TENM1: variants seen among roughly 807,000 people sequenced by gnomAD.
TENM1 encodes teneurin-1.
TENM1 carries 35 observed loss-of-function variants against 174.8 expected under a neutral mutation model. The ratio of observed to expected loss-of-function variants is 0.20; its 90% CI spans 0.15 to 0.27. TENM1 has a LOEUF of 0.27. Among genes scored for constraint, TENM1 ranks in the 10% least tolerant of loss-of-function variants. The probability of loss-of-function intolerance (pLI) is 1.00; values close to 1 mark genes in which losing one functional copy is unlikely to be tolerated. For missense variants in TENM1, 1,633 were observed against 2,130.1 expected, an observed-to-expected ratio of 0.77 and a Z score of 4.59; for synonymous variants, 781 against 798.7, an observed-to-expected ratio of 0.98 and a Z score of 0.37.
chrX:124,579,435 C>T (rs1451894230), intron 11 of TENM1, among the ~76,000 whole-genome samples: 1 of 111,243 alleles, frequency 9.0e-6, no homozygotes, highest in East Asian at 2.8e-4. Flanking sequence ...AAGGCCTTTC[C>T]CACAGCCTAT....
intron 3 of TENM1, among the ~76,000 whole-genome samples, chrX:124,809,302 T>C (rs1459744258): frequency 1.8e-5 from 2 of 111,570 alleles, no homozygotes; most frequent in African/African-American, 6.5e-5. Context: ...ATTGATTCTG[T>C]AATAAAAAGT....
At chrX:125,148,260 T>C in the TENM1 span, among the ~76,000 whole-genome samples, 3 of 110,620 alleles carry the variant, frequency 2.7e-5, no homozygotes, top group Admixed American at 1.9e-4. Context: ...CAGCATTCAA[T>C]CTAAGTCTAT....
At chrX:125,081,308 A>T in the TENM1 span, among the ~76,000 whole-genome samples, 1 of 111,227 alleles carries the variant, frequency 9.0e-6, no homozygotes, top group African/African-American at 3.3e-5. Context: ...CACTTTTTAA[A>T]TTATAACTTC....
At chrX:124,829,053 G>A (rs761542589) in intron 3 of TENM1, among the ~76,000 whole-genome samples, 45 of 111,692 alleles carry the variant, frequency 4.0e-4, no homozygotes, top group Non-Finnish European at 7.5e-4. Context: ...ACACACATAT[G>A]TACAAATCCT....
intron 11 of TENM1, among the ~76,000 whole-genome samples, chrX:124,571,900 A>G: frequency 9.0e-6 from 1 of 111,649 alleles, no homozygotes; most frequent in African/African-American, 3.2e-5. Flanking sequence ...ATCATTTTAT[A>G]AGAATATAAT....
the TENM1 span, among the ~76,000 whole-genome samples, chrX:125,182,950 A>AT: frequency 8.9e-6 from 1 of 112,058 alleles, no homozygotes. Context: ...TGTCAGAGGC[A>AT]TTTTTTATTA....
chrX:125,075,886 TCTTC>T, the TENM1 span, among the ~76,000 whole-genome samples: 1 of 56,100 alleles, frequency 1.8e-5, no homozygotes, highest in Non-Finnish European at 2.7e-5. Context: ...TTCCCATGTG[TCTTC>T]CTTTTGTCAC....
chrX:124,840,961 A>G (rs1393695572), intron 3 of TENM1, among the ~76,000 whole-genome samples: 1 of 112,268 alleles, frequency 8.9e-6, no homozygotes, highest in Non-Finnish European at 1.9e-5. Flanking sequence ...CAGAACAGGA[A>G]TGAAGTTAGA....
At chrX:124,756,408 T>G (rs2054243600) in intron 3 of TENM1, among the ~76,000 whole-genome samples, 2 of 103,167 alleles carry the variant, frequency 1.9e-5, no homozygotes, top group African/African-American at 7.9e-5. Context: ...TTTTTCAAAG[T>G]TTTTAACTTC....
intron 5 of TENM1, among the ~76,000 whole-genome samples, chrX:124,694,025 T>C (rs967824898): frequency 4.5e-5 from 5 of 111,188 alleles, no homozygotes; most frequent in South Asian, 3.8e-4. Context: ...GTGATTCACT[T>C]TTATTTTTGC....
intron 11 of TENM1, among the ~76,000 whole-genome samples, chrX:124,604,698 GTAACTATT>G (rs1296297860): frequency 1.8e-5 from 2 of 110,811 alleles, no homozygotes; most frequent in Non-Finnish European, 3.8e-5. Context: ...GAAATATAGT[GTAACTATT>G]TGAAAAACAC....
chrX:124,503,840 C>T, intron 18 of TENM1, 137 bp from the exon 22 acceptor site: 1 of 560,357 alleles, frequency 1.8e-6, no homozygotes, highest in Non-Finnish European at 2.9e-6. Context: ...AAATTTCTTT[C>T]ACCTAGCACA....
chrX:124,850,786 A>G (rs1228945710), intron 3 of TENM1, among the ~76,000 whole-genome samples: 2 of 111,345 alleles, frequency 1.8e-5, no homozygotes, highest in Admixed American at 1.9e-4. Context: ...AAAAAAAACA[A>G]GAATACTAGG....
At chrX:125,122,802 CTT>C in the TENM1 span, among the ~76,000 whole-genome samples, 1 of 106,240 alleles carries the variant, frequency 9.4e-6, no homozygotes, top group Non-Finnish European at 1.9e-5. Context: ...TAAGTAGAAA[CTT>C]ATTTTTCTCT....
the TENM1 span, among the ~76,000 whole-genome samples, chrX:125,062,041 T>C: frequency 1.8e-5 from 2 of 112,496 alleles, no homozygotes; most frequent in African/African-American, 6.5e-5. Context: ...TAACATTTGC[T>C]AATCATGAGA....
chrX:124,762,291 C>A (rs2054437183), intron 3 of TENM1, among the ~76,000 whole-genome samples: 1 of 111,896 alleles, frequency 8.9e-6, no homozygotes, highest in South Asian at 3.7e-4. Context: ...ATTTGGGGGA[C>A]ACAATTCCAT....
chrX:124,819,483 C>G (rs1017584181), intron 3 of TENM1, among the ~76,000 whole-genome samples: 12 of 111,096 alleles, frequency 1.1e-4, no homozygotes, highest in African/African-American at 3.3e-4. Flanking sequence ...GGCACTAGAT[C>G]ATACGGTCTC....
chrX:124,519,303 C>G (rs1390898634), intron 18 of TENM1, among the ~76,000 whole-genome samples: 2 of 111,166 alleles, frequency 1.8e-5, no homozygotes, highest in Non-Finnish European at 3.8e-5. Context: ...TAATATGAAC[C>G]TGTCCATGTT....
intron 1 of TENM1, among the ~76,000 whole-genome samples, chrX:124,914,512 T>C (rs1333601206): frequency 2.7e-5 from 3 of 111,913 alleles, no homozygotes; most frequent in African/African-American, 3.3e-5. Flanking sequence ...ATTTGTCATA[T>C]AGATATTTAA....
Sources: gnomAD v4.1 joint callset for allele counts (sites outside exome capture counted in the v4.1 genomes callset) on GRCh38, gnomAD v4.1.1 for gene constraint, MANE v1.5 for transcripts, NCBI Gene and HGNC (gene_info 2026-07-23, HGNC 2026-07-21) for gene names.